AP2A1: variants seen among roughly 807,000 people sequenced by gnomAD.
AP2A1 encodes AP-2 complex subunit alpha-1.
Under a neutral mutation model 107.3 loss-of-function variants are expected in AP2A1, and 21 were observed. That is an observed-to-expected ratio of 0.20 (90% CI 0.14 to 0.28). The LOEUF (loss-of-function observed/expected upper bound fraction) is 0.28, where lower values mean the gene tolerates loss of function less well. Ranked by LOEUF, AP2A1 falls within the 10% of genes least tolerant of loss-of-function variation. The pLI is 1.00. For missense variants in AP2A1, 873 were observed against 1,307.7 expected (o/e 0.67, Z 5.13); for synonymous variants, 602 against 564.8 (o/e 1.07, Z -0.93).
chr19:49,774,757 C>A (rs2084600342), intron 1 of AP2A1, among the ~76,000 whole-genome samples: 1 of 151,290 alleles, frequency 6.6e-6, no homozygotes, highest in South Asian at 2.1e-4. Context: ...TCCGTCTCTA[C>A]TAAAAATACA....
At position 49,787,338 on chromosome 19, in the gene AP2A1, G is replaced by GTTTTTTTTTTTTT. The variant is rs1418425703; in HGVS notation, c.474-4589_474-4588insTTTTTTTTTTTTT. The stretch of plus-strand genomic sequence containing the variant: ...ACTCCCATCTAGGCTTTTTTTGTTT[G>GTTTTTTTTTTTTT]TTTTTTTTGTTTTTTGTTTTTTTTT... On this transcript the variant is annotated intron_variant, in intron 4 of 22. Coordinates refer to ENST00000354293, the MANE Select transcript of AP2A1 (RefSeq NM_130787.3). Among the ~76,000 whole-genome samples the GTTTTTTTTTTTTT allele has an allele frequency of 2.6e-3, 237 of 89,706 alleles. 19 individuals carry two copies. Among genetic ancestry groups the GTTTTTTTTTTTTT allele is most frequent in the African/African-American group, 5.0e-3 (101 of 20,318 alleles). The allele number at this position is 89,706 out of a possible 152,430, so 58.9% of individuals were successfully genotyped here.
intron 7 of AP2A1, chr19:49,796,019 G>T (rs1281682089): frequency 4.9e-6 from 2 of 404,600 alleles, no homozygotes; most frequent in Non-Finnish European, 9.1e-6. Flanking sequence ...TGTTAACTGT[G>T]CCTGTTTTAT....
chr19:49,774,872 T>C (rs377526969), intron 1 of AP2A1, among the ~76,000 whole-genome samples: 4 of 148,718 alleles, frequency 2.7e-5, no homozygotes, highest in African/African-American at 1.0e-4. Context: ...TGAGCCGAGA[T>C]TGTGCCACTG....
intron 7 of AP2A1, among the ~76,000 whole-genome samples, chr19:49,798,286 T>C (rs911471481): frequency 4.6e-5 from 7 of 152,136 alleles, no homozygotes; most frequent in African/African-American, 1.7e-4. Flanking sequence ...TTGTCTCCTT[T>C]GGCCTCCCAG....
intron 4 of AP2A1, among the ~76,000 whole-genome samples, chr19:49,783,155 G>A (rs1323469650): frequency 6.6e-6 from 1 of 152,166 alleles, no homozygotes; most frequent in Non-Finnish European, 1.5e-5. Flanking sequence ...CTGTGTTCAT[G>A]GTCTGGAGCA....
At chr19:49,768,662 A>C (rs2084527414) in intron 1 of AP2A1, among the ~76,000 whole-genome samples, 1 of 152,108 alleles carries the variant, frequency 6.6e-6, no homozygotes, top group Non-Finnish European at 1.5e-5. Context: ...GTTGAGTATC[A>C]GTTGGAGGAG....
chr19:49,781,675 G>T, intron 1 of AP2A1, 82 bp from the exon 2 acceptor site: 1 of 1,394,542 alleles, frequency 7.2e-7, no homozygotes, highest in Non-Finnish European at 9.9e-7. Context: ...CTTCCTGCTG[G>T]GTGGGGCCGC....
intron 17 of AP2A1, 35 bp from the exon 18 acceptor site, chr19:49,803,252 C>T (rs978764555): frequency 6.2e-7 from 1 of 1,612,748 alleles, no homozygotes. Flanking sequence ...GTCAGAGGGA[C>T]TCAGATGGAG....
chr19:49,801,697 A>G, intron 13 of AP2A1, 25 bp from the exon 14 acceptor site: 1 of 1,502,242 alleles, frequency 6.7e-7, no homozygotes, highest in Non-Finnish European at 8.9e-7. Flanking sequence ...ACCCGAACTG[A>G]CCTTCCCCAC....
At chr19:49,767,267 G>A in intron 1 of AP2A1, 67 bp downstream of exon 1, 2 of 1,571,678 alleles carry the variant, frequency 1.3e-6, no homozygotes, top group Non-Finnish European at 1.7e-6. Context: ...AGGGGTTTGG[G>A]GATCACAGAG....
At chr19:49,793,588 C>T (rs954877366) in intron 6 of AP2A1, among the ~76,000 whole-genome samples, 5 of 152,158 alleles carry the variant, frequency 3.3e-5, no homozygotes, top group Non-Finnish European at 5.9e-5. Context: ...GGCTCCATGT[C>T]GGGTGACACC....
rs181564717 is a variant in AP2A1, at chr19:49,799,954, C to T, written c.1273-14C>T. 160 of 1,611,372 alleles carry T rather than the reference C, an allele frequency of 9.9e-5. 1 individual carries two copies. The highest frequency in any genetic ancestry group is 4.8e-4 in the African/African-American group (36 of 75,024). On this transcript the variant is annotated splice_polypyrimidine_tract_variant and intron_variant, in intron 10 of 22. Transcript: ENST00000354293. ...GGCCTGCGGCACACTCTCTCTCACA[C>T]GCCCCGGCGGCAGGTCCTGAAGGTG...
chr19:49,800,266 C>T (rs761924746), intron 11 of AP2A1, 116 bp downstream of exon 11: 214 of 1,280,958 alleles, frequency 1.7e-4, no homozygotes, highest in Non-Finnish European at 2.0e-4. Flanking sequence ...CCTGCACTGC[C>T]GTGACCTCAA....
At position 49,795,319 on chromosome 19, in the gene AP2A1, G is replaced by A. The variant is rs539776623; in HGVS notation, c.706-311G>A. On this transcript the variant is annotated intron_variant, in intron 6 of 22. Coordinates refer to ENST00000354293, the MANE Select transcript of AP2A1 (RefSeq NM_130787.3). ...TTTGCCCCCATTCAGTGTGCCTGAC[G>A]CTTCCTCGCTCCCTTCCCAGAGCCT... Among the ~76,000 whole-genome samples, 7 of 152,272 alleles carry A rather than the reference G, an allele frequency of 4.6e-5. No individual in the cohort carries two copies. The East Asian group carries it at 1.2e-3, about 25-fold the overall frequency.
At position 49,774,910 on chromosome 19, in the gene AP2A1, CTT is replaced by C. The variant is rs1229239834; in HGVS notation, c.68-6845_68-6844del. ...CTCCAGCCTGGGTGACAGAGAGAGACTTTGTCTCAAAAAAAAAAAAAAAGCAA... is the reference window on the plus strand; with the variant it reads ...CTCCAGCCTGGGTGACAGAGAGAGACTGTCTCAAAAAAAAAAAAAAAGCAA... On this transcript the variant is annotated intron_variant, in intron 1 of 22. Transcript: ENST00000354293. Among the ~76,000 whole-genome samples the C allele has an allele frequency of 5.8e-3, 688 of 119,404 alleles. 9 individuals carry two copies. Among genetic ancestry groups the C allele is most frequent in the African/African-American group, 0.022 (660 of 29,594 alleles). The allele number at this position is 119,404 out of a possible 152,430, so 78.3% of individuals were successfully genotyped here. A position where few individuals can be genotyped will look rare whatever the true frequency, so the allele number is the denominator to read the frequency against.
At chr19:49,769,662 A>G (rs971267411) in intron 1 of AP2A1, among the ~76,000 whole-genome samples, 4 of 152,094 alleles carry the variant, frequency 2.6e-5, no homozygotes, top group Admixed American at 6.6e-5. Context: ...GGCCATGGTG[A>G]GCACTTTGGC....
intron 7 of AP2A1, chr19:49,796,603 G>A (rs2073216934): frequency 6.6e-6 from 1 of 152,136 alleles, no homozygotes; most frequent in Non-Finnish European, 1.5e-5. Context: ...ATGCGTGCAT[G>A]CGTTCGCCTG....
intron 22 of AP2A1, 159 bp from the exon 23 acceptor site, chr19:49,806,522 C>T (rs2073390314): frequency 1.4e-6 from 2 of 1,453,880 alleles, no homozygotes; most frequent in African/African-American, 1.4e-5. Flanking sequence ...TTTTCTTCCT[C>T]TCTGGCGCCT....
chr19:49,771,440 C>G (rs1375118268), intron 1 of AP2A1, among the ~76,000 whole-genome samples: 1 of 113,452 alleles, frequency 8.8e-6, no homozygotes, highest in Non-Finnish European at 2.0e-5. Flanking sequence ...AATTGTATCT[C>G]TTTTTTTTTG....
Sources: gnomAD v4.1 joint callset for allele counts (sites outside exome capture counted in the v4.1 genomes callset) on GRCh38, gnomAD v4.1.1 for gene constraint, MANE v1.5 for transcripts, NCBI Gene and HGNC (gene_info 2026-07-23, HGNC 2026-07-21) for gene names.